The following DPP10 variants were observed in gnomAD, a reference collection of about 807,000 sequenced individuals.
DPP10 encodes the protein inactive dipeptidyl peptidase 10.
DPP10 carries 33 observed loss-of-function variants against 120.9 expected under a neutral mutation model. The observed-to-expected ratio is 0.27, with a 90% CI of 0.21 to 0.37. DPP10 has a LOEUF of 0.37. DPP10 is among the 10% of genes least tolerant of loss of function. DPP10 has a pLI of 1.00. For missense variants in DPP10, 816 were observed against 942.8 expected (o/e 0.87, Z 1.76); for synonymous variants, 337 against 326.1 (o/e 1.03, Z -0.36).
chr2:115,209,065 AG>A lies in DPP10; in HGVS notation c.61-100171del, dbSNP rs562017643. On this transcript the variant is annotated intron_variant, in intron 1 of 25. Coordinates refer to ENST00000410059, the MANE Select transcript of DPP10 (RefSeq NM_020868.6). ...CTCTAACTATTAAGTAGTGATGACA[AG>A]GGTACTCAGCTCTGAAGCATTTATT... is the stretch of plus-strand genomic sequence containing the variant. Among the ~76,000 whole-genome samples the A allele has an allele frequency of 1.5e-3, 235 of 152,256 alleles. 9 individuals are homozygous for A. The South Asian group carries it at 0.04, about 26-fold the overall frequency.
chr2:115,168,373 C>T (rs551014066), intron 1 of DPP10, among the ~76,000 whole-genome samples: 1 of 152,250 alleles, frequency 6.6e-6, no homozygotes, highest in Non-Finnish European at 1.5e-5. Flanking sequence ...AAGACTTGTG[C>T]AAGGTCCAAA....
intron 1 of DPP10, among the ~76,000 whole-genome samples, chr2:114,682,884 G>C (rs949853442): frequency 6.6e-6 from 1 of 151,552 alleles, no homozygotes; most frequent in Non-Finnish European, 1.5e-5. Flanking sequence ...GAGTGCTGAC[G>C]TGCTGAGAGT....
At chr2:115,576,028 G>A (rs933099426) in intron 5 of DPP10, among the ~76,000 whole-genome samples, 1 of 152,120 alleles carries the variant, frequency 6.6e-6, no homozygotes, top group East Asian at 1.9e-4. Context: ...CCCCTAGAAG[G>A]CCTCCTCACT....
At chr2:114,946,969 T>A (rs1293123184) in intron 1 of DPP10, among the ~76,000 whole-genome samples, 2 of 152,130 alleles carry the variant, frequency 1.3e-5, no homozygotes, top group African/African-American at 4.8e-5. Context: ...CATAAACATA[T>A]CTAGAAATAT....
chr2:115,351,319 T>G (rs1451323658), intron 3 of DPP10, among the ~76,000 whole-genome samples: 1 of 151,984 alleles, frequency 6.6e-6, no homozygotes, highest in African/African-American at 2.4e-5. Context: ...GAGCTAAATC[T>G]TGAGGATGGG....
chr2:114,468,397 CAA>C (rs71297186), intron 1 of DPP10, among the ~76,000 whole-genome samples: 98 of 69,538 alleles, frequency 1.4e-3, no homozygotes, highest in Middle Eastern at 0.02. Flanking sequence ...GCTTACAATG[CAA>C]AAAAAAAAAA....
At chr2:115,786,177 G>T (rs1683324951) in intron 17 of DPP10, among the ~76,000 whole-genome samples, 1 of 152,114 alleles carries the variant, frequency 6.6e-6, no homozygotes, top group African/African-American at 2.4e-5. Flanking sequence ...TATTTCTCTA[G>T]TAAAAGTGCA....
At chr2:115,019,863 G>A (rs920595730) in intron 1 of DPP10, among the ~76,000 whole-genome samples, 1 of 152,202 alleles carries the variant, frequency 6.6e-6, no homozygotes, top group Non-Finnish European at 1.5e-5. Flanking sequence ...CCTATCTTTA[G>A]CCTCCTTGAG....
intron 1 of DPP10, among the ~76,000 whole-genome samples, chr2:114,480,963 G>A (rs1327148671): frequency 6.6e-6 from 1 of 151,640 alleles, no homozygotes; most frequent in East Asian, 1.9e-4. Flanking sequence ...ACTTCTTACT[G>A]TTTATAAAAA....
intron 1 of DPP10, among the ~76,000 whole-genome samples, chr2:114,519,453 G>A (rs1684870761): frequency 6.6e-6 from 1 of 152,202 alleles, no homozygotes; most frequent in African/African-American, 2.4e-5. Context: ...ATCTAAAAAG[G>A]CAATTGGGTT....
intron 4 of DPP10, among the ~76,000 whole-genome samples, chr2:115,502,770 G>T (rs1057472624): frequency 1.3e-5 from 2 of 152,096 alleles, no homozygotes; most frequent in Non-Finnish European, 2.9e-5. Context: ...ATAGCTCACT[G>T]CAGTCTTTAA....
chr2:115,548,465 T>A (rs905930815), intron 5 of DPP10, among the ~76,000 whole-genome samples: 1 of 152,038 alleles, frequency 6.6e-6, no homozygotes, highest in Admixed American at 6.6e-5. Flanking sequence ...GACACAGAAG[T>A]ACAGACAAGG....
At chr2:115,000,239 T>A (rs1701351986) in intron 1 of DPP10, among the ~76,000 whole-genome samples, 1 of 152,142 alleles carries the variant, frequency 6.6e-6, no homozygotes, top group Non-Finnish European at 1.5e-5. Flanking sequence ...TGCTTTTTTG[T>A]AAATTTTAAA....
At chr2:115,386,276 C>T (rs930054988) in intron 3 of DPP10, among the ~76,000 whole-genome samples, 8 of 152,174 alleles carry the variant, frequency 5.3e-5, no homozygotes, top group African/African-American at 1.9e-4. Context: ...GGAAAATTTT[C>T]TTTATCTTGT....
At chr2:114,956,470 A>G (rs1574567679) in intron 1 of DPP10, among the ~76,000 whole-genome samples, 1 of 152,296 alleles carries the variant, frequency 6.6e-6, no homozygotes, top group East Asian at 1.9e-4. Flanking sequence ...ATGGAAAGAT[A>G]TCCCATGTTC....
chr2:115,562,307 C>T (rs1443909949), intron 5 of DPP10, among the ~76,000 whole-genome samples: 1 of 152,144 alleles, frequency 6.6e-6, no homozygotes, highest in Non-Finnish European at 1.5e-5. Context: ...AGTCACCTTC[C>T]AAATCCACGT....
intron 1 of DPP10, among the ~76,000 whole-genome samples, chr2:114,682,569 A>AATTATTATTATTATT (rs143088528): frequency 1.3e-5 from 2 of 149,112 alleles, no homozygotes; most frequent in African/African-American, 2.4e-5. Flanking sequence ...ATCGATGGGT[A>AATTATTATTATTATT]ATTATTATTA....
intron 1 of DPP10, among the ~76,000 whole-genome samples, chr2:115,180,562 A>G (rs1404147836): frequency 1.3e-5 from 2 of 152,216 alleles, no homozygotes; most frequent in African/African-American, 4.8e-5. Flanking sequence ...ATAGGAAGTC[A>G]GGATTCCCTT....
chr2:114,798,482 A>G (rs111717316), intron 1 of DPP10, among the ~76,000 whole-genome samples: 1 of 147,700 alleles, frequency 6.8e-6, no homozygotes, highest in African/African-American at 2.5e-5. Context: ...TAAGTGACAG[A>G]AAAAAAAATC....
Sources: gnomAD v4.1 joint callset for allele counts (sites outside exome capture counted in the v4.1 genomes callset) on GRCh38, gnomAD v4.1.1 for gene constraint, MANE v1.5 for transcripts, NCBI Gene and HGNC (gene_info 2026-07-23, HGNC 2026-07-21) for gene names.